Variants in EYA1 observed in about 807,000 individuals in gnomAD.
EYA1 encodes the protein EYA transcriptional coactivator and phosphatase 1.
Under a neutral mutation model 82.0 loss-of-function variants are expected in EYA1, and 16 were observed. That is an observed-to-expected ratio of 0.20 (90% CI 0.13 to 0.30). EYA1 has a LOEUF of 0.30. Ranked by LOEUF, EYA1 falls within the 10% of genes least tolerant of loss-of-function variation. EYA1 has a pLI of 1.00. For synonymous variants in EYA1, 261 were observed against 264.4 expected, an observed-to-expected ratio of 0.99 and a Z score of 0.12; for missense variants, 633 against 730.7, an observed-to-expected ratio of 0.87 and a Z score of 1.54.
intron 9 of EYA1, among the ~76,000 whole-genome samples, chr8:71,276,943 C>A (rs755386622): frequency 1.1e-4 from 17 of 152,040 alleles, no homozygotes; most frequent in Non-Finnish European, 2.4e-4. Flanking sequence ...GTACTTGGAG[C>A]TGCACATGTC....
intron 8 of EYA1, 108 bp downstream of exon 8, chr8:71,299,530 T>C (rs1819964808): frequency 1.3e-6 from 1 of 788,554 alleles, no homozygotes; most frequent in South Asian, 1.5e-5. Flanking sequence ...AGAAAACTAC[T>C]AAAAGCCTTA....
intron 2 of EYA1, among the ~76,000 whole-genome samples, chr8:71,514,747 T>A (rs1812844400): frequency 6.6e-6 from 1 of 152,178 alleles, no homozygotes; most frequent in African/African-American, 2.4e-5. Flanking sequence ...CACGTGGGAA[T>A]TCTGAGAGAT....
chr8:71,408,878 A>G (rs1191191576), intron 2 of EYA1, among the ~76,000 whole-genome samples: 4 of 113,964 alleles, frequency 3.5e-5, no homozygotes, highest in African/African-American at 1.6e-4. Context: ...CGGACCTAAT[A>G]GACATCTACA....
intron 2 of EYA1, among the ~76,000 whole-genome samples, chr8:71,391,329 C>G (rs916884389): frequency 6.6e-6 from 1 of 152,150 alleles, no homozygotes; most frequent in African/African-American, 2.4e-5. Context: ...CTGTTGAGAA[C>G]TCCCATCTTC....
chr8:71,353,662 C>T (rs899161302), intron 3 of EYA1, among the ~76,000 whole-genome samples: 4 of 152,150 alleles, frequency 2.6e-5, no homozygotes, highest in Non-Finnish European at 4.4e-5. Flanking sequence ...TTAAAAATTA[C>T]ATAACATTGT....
exon 1 of EYA1, chr8:71,547,886 G>A (rs951587370): frequency 6.6e-6 from 1 of 151,926 alleles, no homozygotes; most frequent in African/African-American, 2.4e-5. Flanking sequence ...TGCGGCGACG[G>A]GGGGCTGAGG....
intron 2 of EYA1, among the ~76,000 whole-genome samples, chr8:71,400,555 T>C (rs1563574695): frequency 6.6e-6 from 1 of 152,170 alleles, no homozygotes; most frequent in Non-Finnish European, 1.5e-5. Flanking sequence ...TCACTGATCA[T>C]TTAAGAAATG....
chr8:71,492,500 T>C (rs1811081041), intron 2 of EYA1, among the ~76,000 whole-genome samples: 2 of 151,302 alleles, frequency 1.3e-5, no homozygotes, highest in African/African-American at 4.9e-5. Flanking sequence ...AGTCTCGCTC[T>C]GTTGCCCAGG....
chr8:71,407,326 TCCAAA>T (rs1248995344), intron 2 of EYA1, among the ~76,000 whole-genome samples: 2 of 121,732 alleles, frequency 1.6e-5, no homozygotes. Context: ...CCTCTCCTCC[TCCAAA>T]GGAACGCAGT....
chr8:71,346,438 ATATATATATATATATATC>A (rs1037749567), intron 3 of EYA1, among the ~76,000 whole-genome samples: 10 of 139,026 alleles, frequency 7.2e-5, no homozygotes, highest in South Asian at 2.4e-4. Flanking sequence ...GTGAATATAT[ATATATATATATATATATC>A]TATATATATC....
chr8:71,351,333 A>G (rs1411484801), intron 3 of EYA1, among the ~76,000 whole-genome samples: 1 of 152,204 alleles, frequency 6.6e-6, no homozygotes, highest in Non-Finnish European at 1.5e-5. Flanking sequence ...ATATGCATTA[A>G]TTCATTTGGA....
intron 2 of EYA1, among the ~76,000 whole-genome samples, chr8:71,524,075 T>G (rs1714203754): frequency 6.6e-6 from 1 of 152,206 alleles, no homozygotes; most frequent in African/African-American, 2.4e-5. Context: ...TAAATGAAAT[T>G]TATAAGTTAT....
chr8:71,515,177 G>A (rs1460343015), intron 2 of EYA1, among the ~76,000 whole-genome samples: 2 of 152,096 alleles, frequency 1.3e-5, no homozygotes, highest in Non-Finnish European at 2.9e-5. Flanking sequence ...GTCAAGCACT[G>A]TCTCATGTAT....
At chr8:71,440,297 G>C (rs1451333052) in intron 2 of EYA1, among the ~76,000 whole-genome samples, 1 of 152,192 alleles carries the variant, frequency 6.6e-6, no homozygotes, top group African/African-American at 2.4e-5. Context: ...TTTTGTGATA[G>C]GGGCATGACA....
intron 9 of EYA1, among the ~76,000 whole-genome samples, chr8:71,293,452 T>C (rs899650958): frequency 6.6e-6 from 1 of 152,142 alleles, no homozygotes; most frequent in South Asian, 2.1e-4. Context: ...AGCATTACCC[T>C]AATACTGAAA....
intron 2 of EYA1, chr8:71,535,722 G>A (rs1336187277): frequency 3.3e-6 from 5 of 1,496,844 alleles, no homozygotes; most frequent in Non-Finnish European, 3.6e-6. Flanking sequence ...CTTTCCTTAG[G>A]ACTGACATTC....
intron 16 of EYA1, among the ~76,000 whole-genome samples, chr8:71,211,815 A>G (rs1373660739): frequency 6.6e-6 from 1 of 152,220 alleles, no homozygotes; most frequent in Non-Finnish European, 1.5e-5. Flanking sequence ...AAAGACCCTG[A>G]AAGTCTGATG....
chr8:71,375,992 A>T (rs961846299), intron 2 of EYA1, among the ~76,000 whole-genome samples: 7 of 152,212 alleles, frequency 4.6e-5, no homozygotes, highest in Non-Finnish European at 8.8e-5. Flanking sequence ...ATGAAAATAT[A>T]AAAGTAGACA....
intron 11 of EYA1, among the ~76,000 whole-genome samples, chr8:71,245,332 T>A (rs758793480): frequency 2.6e-5 from 4 of 152,030 alleles, no homozygotes; most frequent in Non-Finnish European, 5.9e-5. Context: ...GTTCAAGCAA[T>A]TCTCCTGCCT....
Sources: gnomAD v4.1 joint callset for allele counts (sites outside exome capture counted in the v4.1 genomes callset) on GRCh38, gnomAD v4.1.1 for gene constraint, MANE v1.5 for transcripts, NCBI Gene and HGNC (gene_info 2026-07-23, HGNC 2026-07-21) for gene names.